The following NCOA3 variants were observed in gnomAD, a reference collection of about 807,000 sequenced individuals.
The protein encoded by NCOA3 is CBP-interacting protein.
NCOA3 carries 51 observed loss-of-function variants against 158.8 expected under a neutral mutation model. That is an observed-to-expected ratio of 0.32 (90% confidence interval 0.26 to 0.41). The LOEUF is 0.41. NCOA3 is among the 10% of genes least tolerant of loss of function. The probability of loss-of-function intolerance (pLI) is 1.00; values close to 1 mark genes in which losing one functional copy is unlikely to be tolerated. For synonymous variants in NCOA3, 537 were observed against 592.4 expected (o/e 0.91, Z 1.36); for missense variants, 1,510 against 1,746.6 (o/e 0.86, Z 2.41).
chr20:47,644,617 G>A (rs2086659785), intron 17 of NCOA3, among the ~76,000 whole-genome samples: 1 of 152,214 alleles, frequency 6.6e-6, no homozygotes. Flanking sequence ...CTTTGCAAGT[G>A]TGAGCAGCAT....
chr20:47,518,492 C>T (rs886144483), intron 1 of NCOA3, among the ~76,000 whole-genome samples: 11 of 147,238 alleles, frequency 7.5e-5, no homozygotes, highest in Non-Finnish European at 1.3e-4. Flanking sequence ...GGCATGATCT[C>T]GGCTCACTGC....
Position 47,649,121 on chromosome 20 carries a change from A to C in NCOA3, c.3651+12A>C. 6.4e-7 allele frequency: 1 copy of C among 1,572,024 alleles called. No individual in the cohort carries two copies. Among genetic ancestry groups the C allele is most frequent in the Non-Finnish European group, 8.7e-7 (1 of 1,143,870 alleles). ...AGGTGAGCTCCCAGGTGAGGATGAT[A>C]AGCCTCTCCACATGCATTGCTCTGT... is the stretch of plus-strand genomic sequence containing the variant. On this transcript the variant is annotated intron_variant, in intron 19 of 22. Transcript: ENST00000371998.
intron 16 of NCOA3, among the ~76,000 whole-genome samples, chr20:47,641,490 C>CTTTTTTT (rs71183270): frequency 0.014 from 672 of 48,368 alleles, 89 homozygotes; most frequent in Non-Finnish European, 0.018. Context: ...TGGCTCCCTT[C>CTTTTTTT]TTTTTTTTTT....
chr20:47,607,475 G>T (rs2085966518), intron 2 of NCOA3, among the ~76,000 whole-genome samples: 1 of 152,042 alleles, frequency 6.6e-6, no homozygotes, highest in African/African-American at 2.4e-5. Flanking sequence ...TTGCTCCCTA[G>T]CCCCTGTGCC....
chr20:47,648,440 T>C (rs1018069163), intron 18 of NCOA3, among the ~76,000 whole-genome samples: 7 of 152,092 alleles, frequency 4.6e-5, no homozygotes, highest in Non-Finnish European at 1.0e-4. Flanking sequence ...TATAAATCTT[T>C]TGAGTTTCTA....
intron 17 of NCOA3, among the ~76,000 whole-genome samples, 180 bp from the exon 18 acceptor site, chr20:47,646,893 C>T (rs554839717): frequency 2.2e-4 from 33 of 152,280 alleles, no homozygotes; most frequent in African/African-American, 7.7e-4. Context: ...TTTTCTGTCA[C>T]CTGTGGGATG....
At chr20:47,563,698 C>A (rs1037558082) in intron 1 of NCOA3, among the ~76,000 whole-genome samples, 7 of 151,458 alleles carry the variant, frequency 4.6e-5, no homozygotes, top group African/African-American at 1.7e-4. Flanking sequence ...ACCAGCCTGA[C>A]CAACGTGGTG....
chr20:47,560,201 A>G (rs554896523), intron 1 of NCOA3, among the ~76,000 whole-genome samples: 2 of 151,982 alleles, frequency 1.3e-5, no homozygotes, highest in Non-Finnish European at 2.9e-5. Context: ...TGCCTCAGCC[A>G]CCCGAGTAGC....
At chr20:47,595,730 A>G (rs921652459) in intron 2 of NCOA3, among the ~76,000 whole-genome samples, 1 of 151,522 alleles carries the variant, frequency 6.6e-6, no homozygotes, top group African/African-American at 2.4e-5. Context: ...CTGAAGTTAG[A>G]ATGACTTGGA....
intron 1 of NCOA3, among the ~76,000 whole-genome samples, chr20:47,502,630 G>A (rs1235019133): frequency 6.6e-6 from 1 of 151,942 alleles, no homozygotes; most frequent in African/African-American, 2.4e-5. Flanking sequence ...TACTACCTCT[G>A]GTGTGAAGGC....
chr20:47,603,475 T>TA (rs984841484), intron 2 of NCOA3, among the ~76,000 whole-genome samples: 2 of 152,244 alleles, frequency 1.3e-5, no homozygotes, highest in African/African-American at 2.4e-5. Context: ...AGGCATGTGT[T>TA]ACAGTATGCT....
chr20:47,516,454 G>A (rs1486529703), intron 1 of NCOA3, among the ~76,000 whole-genome samples: 5 of 152,182 alleles, frequency 3.3e-5, no homozygotes, highest in Admixed American at 6.5e-5. Context: ...TAAGAGGGTA[G>A]AAGACAGAGC....
intron 1 of NCOA3, among the ~76,000 whole-genome samples, chr20:47,573,531 T>G (rs919899176): frequency 1.3e-5 from 2 of 152,046 alleles, no homozygotes; most frequent in Admixed American, 1.3e-4. Context: ...AGTGAGCAAA[T>G]GCTGTTGGAA....
Position 47,593,214 on chromosome 20 carries a change from T to C in NCOA3, c.-20+9953T>C, listed in dbSNP as rs1043491647. 7.2e-5 allele frequency among the ~76,000 whole-genome samples: 11 copies of C among 152,040 alleles called. No individual in the cohort carries two copies. In the East Asian group the frequency reaches 1.9e-3, roughly 27 times the overall value. On this transcript the variant is annotated intron_variant, in intron 2 of 22. Transcript: ENST00000371998. ...TCCCAAAGTGCTGGGACTACAGGCC[T>C]GAGCCACTGCACCCGGCCACCACAT... is the stretch of plus-strand genomic sequence containing the variant.
chr20:47,509,984 A>G (rs1490084009), intron 1 of NCOA3, among the ~76,000 whole-genome samples: 1 of 151,996 alleles, frequency 6.6e-6, no homozygotes, highest in Non-Finnish European at 1.5e-5. Flanking sequence ...CAGTGAAGAA[A>G]CTCCACCAGT....
intron 1 of NCOA3, among the ~76,000 whole-genome samples, chr20:47,511,251 CTT>C (rs574225212): frequency 9.3e-5 from 12 of 128,804 alleles, no homozygotes; most frequent in Non-Finnish European, 6.8e-5. Context: ...TTCTTTCTTT[CTT>C]TTTTTTTTTT....
intron 1 of NCOA3, among the ~76,000 whole-genome samples, chr20:47,551,945 T>G (rs2084933160): frequency 6.6e-6 from 1 of 152,228 alleles, no homozygotes. Flanking sequence ...TGTTGTTTTT[T>G]GGGCTTTAAG....
chr20:47,630,832 TTGTC>T (rs1365146201), intron 8 of NCOA3: 1 of 154,634 alleles, frequency 6.5e-6, no homozygotes, highest in Non-Finnish European at 1.4e-5. Context: ...TTCAAGTTAT[TTGTC>T]TGTACCTTTT....
At chr20:47,569,748 C>T (rs1260272007) in intron 1 of NCOA3, among the ~76,000 whole-genome samples, 4 of 152,030 alleles carry the variant, frequency 2.6e-5, no homozygotes, top group East Asian at 3.9e-4. Flanking sequence ...CAGTGGCTCA[C>T]GCCTGTAATC....
Sources: gnomAD v4.1 joint callset for allele counts (sites outside exome capture counted in the v4.1 genomes callset) on GRCh38, gnomAD v4.1.1 for gene constraint, MANE v1.5 for transcripts, NCBI Gene and HGNC (gene_info 2026-07-23, HGNC 2026-07-21) for gene names.